Variants in GABRA2 observed in about 807,000 individuals in gnomAD.
GABRA2 encodes gamma-aminobutyric acid type A receptor subunit alpha2.
GABRA2 carries 16 observed loss-of-function variants against 48.7 expected under a neutral mutation model. That is an observed-to-expected ratio of 0.33 (90% CI 0.22 to 0.50). The LOEUF is 0.50. GABRA2 is among the 20% of genes least tolerant of loss of function. GABRA2 has a pLI of 0.98. For missense variants in GABRA2, 275 were observed against 535.6 expected, an observed-to-expected ratio of 0.51 and a Z score of 4.80; for synonymous variants, 185 against 184.5, an observed-to-expected ratio of 1.00 and a Z score of -0.02.
chr4:46,263,155 CA>C (rs1717398819), intron 8 of GABRA2, among the ~76,000 whole-genome samples: 2 of 151,836 alleles, frequency 1.3e-5, no homozygotes, highest in African/African-American at 4.8e-5. Flanking sequence ...AACAAATCAG[CA>C]GCAACTGTAA....
At chr4:46,369,088 T>C in intron 3 of GABRA2, 1 of 676,068 alleles carries the variant, frequency 1.5e-6, no homozygotes, top group South Asian at 1.6e-5. Context: ...AATCTGGCAA[T>C]ATGGGAAATA....
intron 4 of GABRA2, among the ~76,000 whole-genome samples, chr4:46,325,170 C>T (rs1205114143): frequency 6.6e-6 from 1 of 151,898 alleles, no homozygotes; most frequent in Non-Finnish European, 1.5e-5. Context: ...CTCCAAATTG[C>T]TTTCCACAGT....
chr4:46,291,421 A>T lies in GABRA2; in HGVS notation c.856+12039T>A, dbSNP rs566170161. Among the ~76,000 whole-genome samples the T allele has an allele frequency of 3.9e-5, 6 of 152,250 alleles. No individual in the cohort carries two copies. The East Asian group carries it at 1.2e-3, about 29-fold the overall frequency. On this transcript the variant is annotated intron_variant, in intron 8 of 9. Transcript: ENST00000381620. ...AGTGTCAACTTGACTGGATTGAAGG[A>T]TGCAAAGTATTGATCCTGGGTGCGT...
chr4:46,283,884 C>T (rs917287839), intron 8 of GABRA2, among the ~76,000 whole-genome samples: 2 of 152,058 alleles, frequency 1.3e-5, no homozygotes, highest in African/African-American at 4.8e-5. Context: ...CTCAGCCTCC[C>T]TAGTAGCTGG....
intron 3 of GABRA2, among the ~76,000 whole-genome samples, chr4:46,346,707 A>G (rs1236402369): frequency 6.6e-6 from 1 of 151,166 alleles, no homozygotes; most frequent in Non-Finnish European, 1.5e-5. Flanking sequence ...TTTAAAGTAT[A>G]GACTATTTGG....
At chr4:46,343,289 G>A (rs970913742) in intron 3 of GABRA2, among the ~76,000 whole-genome samples, 1 of 151,862 alleles carries the variant, frequency 6.6e-6, no homozygotes, top group Admixed American at 6.6e-5. Context: ...TATTTCCCAA[G>A]AACATATAAT....
At chr4:46,288,823 A>G (rs1018334793) in intron 8 of GABRA2, among the ~76,000 whole-genome samples, 1 of 152,182 alleles carries the variant, frequency 6.6e-6, no homozygotes, top group African/African-American at 2.4e-5. Context: ...CATCTGAAAA[A>G]GGTCTAACAT....
intron 8 of GABRA2, among the ~76,000 whole-genome samples, chr4:46,262,881 A>C (rs113888232): frequency 0.011 from 1,592 of 149,904 alleles, 9 homozygotes; most frequent in South Asian, 0.03. Flanking sequence ...TGGGCGACAG[A>C]GCAAAAGTCC....
chr4:46,379,577 C>G (rs1001108650), intron 3 of GABRA2, among the ~76,000 whole-genome samples: 1 of 152,046 alleles, frequency 6.6e-6, no homozygotes, highest in African/African-American at 2.4e-5. Context: ...GGATCTCATG[C>G]GGAGCATTAA....
chr4:46,370,200 C>A (rs772610178), intron 3 of GABRA2, among the ~76,000 whole-genome samples: 8 of 151,642 alleles, frequency 5.3e-5, no homozygotes, highest in African/African-American at 1.9e-4. Context: ...AAAAAAGCAT[C>A]AGGGCTAGAA....
intron 3 of GABRA2, among the ~76,000 whole-genome samples, chr4:46,381,025 G>A (rs1716687788): frequency 6.6e-6 from 1 of 152,116 alleles, no homozygotes; most frequent in Non-Finnish European, 1.5e-5. Context: ...TACCAGGTTG[G>A]GAGAGGGTGG....
intron 4 of GABRA2, among the ~76,000 whole-genome samples, chr4:46,317,955 G>A (rs1357062634): frequency 1.3e-5 from 2 of 151,512 alleles, no homozygotes; most frequent in Admixed American, 1.3e-4. Context: ...TAAAAATCTG[G>A]AACACAAAGA....
intron 8 of GABRA2, among the ~76,000 whole-genome samples, chr4:46,270,160 A>G (rs1719050167): frequency 6.6e-6 from 1 of 152,014 alleles, no homozygotes; most frequent in African/African-American, 2.4e-5. Flanking sequence ...TAAATCTACT[A>G]TGAGGCAGTC....
At position 46,388,701 on chromosome 4, in the gene GABRA2, C is replaced by G. The variant is rs1289480019; in HGVS notation, c.6G>C (p.Lys2Asn). 1 of 1,614,136 alleles carries G rather than the reference C, an allele frequency of 6.2e-7. No homozygotes were observed. The highest frequency in any genetic ancestry group is 1.7e-5 in the Admixed American group (1 of 60,018). Reference protein sequence around the residue: MKTKLNIYNMQF... With the variant: MNTKLNIYNMQF... ...GCATGTTGTAGATGTTCAATTTTGTCTTCATCACCGCCGCTCTTTACAAAG... is the reference window on the plus strand; with the variant it reads ...GCATGTTGTAGATGTTCAATTTTGTGTTCATCACCGCCGCTCTTTACAAAG... The change falls in exon 2 of 10, where the codon AAG (lysine) becomes AAC (asparagine). Residue 2 changes from lysine (K) to asparagine (N), a missense_variant. This residue lies in a region of GABRA2 where 39 missense variants were observed against 40.5 expected (regional missense o/e 0.96). Coordinates refer to ENST00000381620, the MANE Select transcript of GABRA2 (RefSeq NM_000807.4).
intron 4 of GABRA2, among the ~76,000 whole-genome samples, chr4:46,327,492 AG>A (rs1730593834): frequency 6.6e-6 from 1 of 152,018 alleles, no homozygotes; most frequent in Non-Finnish European, 1.5e-5. Context: ...CTGGCTTTAA[AG>A]GGAGTAAACA....
intron 8 of GABRA2, among the ~76,000 whole-genome samples, chr4:46,282,421 A>G (rs1328576552): frequency 6.6e-6 from 1 of 152,198 alleles, no homozygotes; most frequent in African/African-American, 2.4e-5. Flanking sequence ...CAAACTTGTG[A>G]CTAATAAGAA....
chr4:46,265,604 C>A (rs1718065040), intron 8 of GABRA2, among the ~76,000 whole-genome samples: 1 of 150,288 alleles, frequency 6.7e-6, no homozygotes, highest in Non-Finnish European at 1.5e-5. Flanking sequence ...AAAAGTAAGT[C>A]AATGTTATTG....
intron 4 of GABRA2, among the ~76,000 whole-genome samples, chr4:46,329,703 A>G (rs538212056): frequency 6.6e-6 from 1 of 152,126 alleles, no homozygotes; most frequent in African/African-American, 2.4e-5. Flanking sequence ...GCTGTCTTTT[A>G]TTAGTTAATA....
At chr4:46,253,647 C>G (rs1715245460) in intron 9 of GABRA2, among the ~76,000 whole-genome samples, 1 of 151,458 alleles carries the variant, frequency 6.6e-6, no homozygotes, top group Non-Finnish European at 1.5e-5. Context: ...AAAGTGCTCT[C>G]TTGTAACTTG....
Sources: allele counts gnomAD v4.1 joint callset (sites outside exome capture counted in the v4.1 genomes callset), GRCh38; gene constraint gnomAD v4.1.1; regional missense constraint gnomAD v4.1.1; transcripts MANE v1.5; gene names NCBI Gene and HGNC (gene_info 2026-07-23, HGNC 2026-07-21).